TRMT11: variants seen among roughly 807,000 people sequenced by gnomAD.
The protein encoded by TRMT11 is tRNA methyltransferase 11, also known as tRNA (guanine(10)-N(2))-methyltransferase TRMT11.
TRMT11 carries 53 observed loss-of-function variants against 62.8 expected under a neutral mutation model. The ratio of observed to expected loss-of-function variants is 0.84; its 90% CI spans 0.68 to 1.06. TRMT11 has a LOEUF of 1.06. Among genes scored for constraint, TRMT11 ranks in the 50% least tolerant of loss-of-function variants. The probability of loss-of-function intolerance (pLI) is 0.00; values close to 1 mark genes in which losing one functional copy is unlikely to be tolerated. For synonymous variants in TRMT11, 188 were observed against 190.3 expected (o/e 0.99, Z 0.10); for missense variants, 556 against 553.4 (o/e 1.00, Z -0.05).
At chr6:126,169,565 T>G (rs533757455) in intron 21 of TRMT11, among the ~76,000 whole-genome samples, 1 of 152,164 alleles carries the variant, frequency 6.6e-6, no homozygotes, top group East Asian at 1.9e-4. Context: ...AAAGCTGGAG[T>G]TATGGCTTCT....
chr6:126,182,372 T>A (rs1015805329), intron 1 of TRMT11, among the ~76,000 whole-genome samples: 1 of 151,772 alleles, frequency 6.6e-6, no homozygotes, highest in Non-Finnish European at 1.5e-5. Context: ...GCATTTCTTC[T>A]TTTTTTCCCA....
chr6:126,164,142 T>A (rs576680188), intron 21 of TRMT11, among the ~76,000 whole-genome samples: 5 of 152,368 alleles, frequency 3.3e-5, no homozygotes, highest in African/African-American at 1.2e-4. Flanking sequence ...AACACTGCTT[T>A]AGCTGCATCC....
the TRMT11 span, among the ~76,000 whole-genome samples, chr6:126,259,274 G>A: frequency 6.6e-6 from 1 of 152,184 alleles, no homozygotes; most frequent in Non-Finnish European, 1.5e-5. Context: ...TTGACTCACT[G>A]CAACCTCTGT....
chr6:126,057,910 C>T (rs1266834290), intron 17 of TRMT11, among the ~76,000 whole-genome samples: 1 of 151,992 alleles, frequency 6.6e-6, no homozygotes, highest in Admixed American at 6.6e-5. Flanking sequence ...GATTGGAAGG[C>T]TTAGCTAGAC....
At chr6:125,999,414 A>C in intron 6 of TRMT11, 43 bp from the exon 7 acceptor site, 1 of 1,497,094 alleles carries the variant, frequency 6.7e-7, no homozygotes, top group South Asian at 1.3e-5. Flanking sequence ...TCTTAAGTCT[A>C]TTCTGTATGG....
Position 126,021,210 on chromosome 6 carries a change from A to G in TRMT11, c.1190A>G (p.Asn397Ser). 6.2e-7 allele frequency: 1 copy of G among 1,614,220 alleles called. No homozygotes were observed. The highest frequency in any genetic ancestry group is 8.5e-7 in the Non-Finnish European group (1 of 1,180,020). Residue 397 changes from asparagine to serine, a missense_variant, in exon 12 of 13, where the codon AAC (asparagine) becomes AGC (serine). By Grantham distance (46) the Asn-to-Ser change is conservative. Transcript: ENST00000334379. ...PWHPCLELVS[N>S]CEQKLSSHTS... ...CACCCTTGCCTGGAACTCGTTAGCA[A>G]CTGCGAGCAGAAGCTTTCCAGTCAC...
At chr6:126,053,414 C>T (rs1776273615) in intron 17 of TRMT11, among the ~76,000 whole-genome samples, 1 of 152,182 alleles carries the variant, frequency 6.6e-6, no homozygotes, top group East Asian at 1.9e-4. Context: ...AGAAACTAAA[C>T]AGTCCAGAGT....
Position 126,021,562 on chromosome 6 carries a change from A to G in TRMT11, c.1260+282A>G, listed in dbSNP as rs114879386. On this transcript the variant is annotated intron_variant, in intron 12 of 12. Coordinates refer to ENST00000334379, the MANE Select transcript of TRMT11 (RefSeq NM_001031712.3). ...TCCTTGTTGCTAACTCAGTTATAAA[A>G]CAGCATTATTAAACAACTGCTATCT... Among the ~76,000 whole-genome samples, 1,274 of 152,326 alleles carry G rather than the reference A, an allele frequency of 8.4e-3. 15 individuals are homozygous for G. Among genetic ancestry groups the G allele is most frequent in the African/African-American group, 0.025 (1,052 of 41,576 alleles).
At chr6:125,997,127 A>C (rs1791648204) in intron 3 of TRMT11, among the ~76,000 whole-genome samples, 1 of 152,222 alleles carries the variant, frequency 6.6e-6, no homozygotes, top group Non-Finnish European at 1.5e-5. Flanking sequence ...GTATAATATA[A>C]TTTTTAATTG....
chr6:126,247,733 T>C, the TRMT11 span, among the ~76,000 whole-genome samples: 1 of 151,360 alleles, frequency 6.6e-6, no homozygotes, highest in Admixed American at 6.6e-5. Flanking sequence ...ACTAGGAACA[T>C]ATAGAAGTAA....
intron 17 of TRMT11, among the ~76,000 whole-genome samples, chr6:126,089,978 A>G (rs1032536359): frequency 3.9e-5 from 6 of 152,162 alleles, no homozygotes; most frequent in Non-Finnish European, 7.4e-5. Context: ...TGAACATGCC[A>G]TTTCATGCCT....
chr6:126,059,277 G>C (rs1415580360), intron 17 of TRMT11, among the ~76,000 whole-genome samples: 1 of 152,072 alleles, frequency 6.6e-6, no homozygotes, highest in Non-Finnish European at 1.5e-5. Context: ...TTAGTTACTA[G>C]ATTTTTGAGT....
At chr6:126,027,193 A>G (rs374902381) in intron 12 of TRMT11, among the ~76,000 whole-genome samples, 1 of 152,238 alleles carries the variant, frequency 6.6e-6, no homozygotes, top group African/African-American at 2.4e-5. Flanking sequence ...GGTTACTTCT[A>G]TAAAACATTT....
chr6:126,089,963 G>T (rs978400850), intron 17 of TRMT11, among the ~76,000 whole-genome samples: 2 of 152,132 alleles, frequency 1.3e-5, no homozygotes, highest in Non-Finnish European at 2.9e-5. Context: ...TCAACTCCTG[G>T]TTCTTGAACA....
At chr6:126,218,055 A>G in the TRMT11 span, among the ~76,000 whole-genome samples, 1 of 152,084 alleles carries the variant, frequency 6.6e-6, no homozygotes, top group Non-Finnish European at 1.5e-5. Context: ...AGTGAGTACT[A>G]TCTGGCTATT....
At chr6:126,120,788 G>A (rs1777640924) in intron 21 of TRMT11, among the ~76,000 whole-genome samples, 1 of 152,126 alleles carries the variant, frequency 6.6e-6, no homozygotes, top group Non-Finnish European at 1.5e-5. Context: ...TGTGCCAGAA[G>A]CAAAGGAAGC....
At chr6:126,210,887 C>T in the TRMT11 span, among the ~76,000 whole-genome samples, 4 of 152,150 alleles carry the variant, frequency 2.6e-5, no homozygotes, top group South Asian at 2.1e-4. Flanking sequence ...TATTTGTGGC[C>T]GGTGCTTCAG....
chr6:126,198,068 A>C (rs928826796), intron 1 of TRMT11, among the ~76,000 whole-genome samples: 3 of 152,088 alleles, frequency 2.0e-5, no homozygotes, highest in Admixed American at 6.6e-5. Context: ...AGTAGAATGG[A>C]CTCGGTGGGA....
At chr6:126,013,208 A>G in intron 11 of TRMT11, 107 bp downstream of exon 11, 1 of 994,062 alleles carries the variant, frequency 1.0e-6, no homozygotes, top group Non-Finnish European at 1.5e-6. Flanking sequence ...CTTTATATTT[A>G]ATTTGTAATA....
Sources: gnomAD v4.1 joint callset for allele counts (sites outside exome capture counted in the v4.1 genomes callset) on GRCh38, gnomAD v4.1.1 for gene constraint, MANE v1.5 for transcripts, NCBI Gene and HGNC (gene_info 2026-07-23, HGNC 2026-07-21) for gene names.